NTRK2: variants seen among roughly 807,000 people sequenced by gnomAD.
NTRK2 encodes BDNF/NT-3 growth factors receptor.
NTRK2 carries 13 observed loss-of-function variants against 94.5 expected under a neutral mutation model. That is an observed-to-expected ratio of 0.14 (90% CI 0.09 to 0.22). NTRK2 has a LOEUF of 0.22. Among genes scored for constraint, NTRK2 ranks in the 10% least tolerant of loss-of-function variants. The probability of loss-of-function intolerance (pLI) is 1.00; values close to 1 mark genes in which losing one functional copy is unlikely to be tolerated. For synonymous variants in NTRK2, 372 were observed against 407.4 expected (o/e 0.91, Z 1.05); for missense variants, 639 against 1,071.2 (o/e 0.60, Z 5.63).
At chr9:84,698,057 AT>A (rs2060494689) in intron 2 of NTRK2, among the ~76,000 whole-genome samples, 1 of 152,148 alleles carries the variant, frequency 6.6e-6, no homozygotes, top group African/African-American at 2.4e-5. Context: ...ATAGTTGAAT[AT>A]TTTTAAGCTA....
At position 84,933,223 on chromosome 9, in the gene NTRK2, A is replaced by T. The variant is rs538262073; in HGVS notation, c.1634-939A>T. 3.3e-5 allele frequency among the ~76,000 whole-genome samples: 5 copies of T among 152,294 alleles called. No individual in the cohort carries two copies. The South Asian group carries it at 1.0e-3, about 32-fold the overall frequency. On this transcript the variant is annotated intron_variant, in intron 14 of 18. Transcript: ENST00000277120. ...CAAGACCCAGCGGAACTCCCGTGCT[A>T]AGGGACTCAACATTTAACGTGCTGA...
At chr9:84,884,620 CA>C (rs1262550572) in intron 14 of NTRK2, among the ~76,000 whole-genome samples, 1 of 152,204 alleles carries the variant, frequency 6.6e-6, no homozygotes, top group Non-Finnish European at 1.5e-5. Context: ...CATAATATAT[CA>C]CGACGTTTGT....
chr9:84,743,355 A>G (rs1390540327), intron 10 of NTRK2, among the ~76,000 whole-genome samples: 1 of 152,086 alleles, frequency 6.6e-6, no homozygotes, highest in Admixed American at 6.6e-5. Context: ...ATATTGATTG[A>G]TATTTTATTT....
chr9:85,006,826 A>G (rs1831020228), intron 17 of NTRK2, among the ~76,000 whole-genome samples: 1 of 152,144 alleles, frequency 6.6e-6, no homozygotes, highest in Non-Finnish European at 1.5e-5. Flanking sequence ...TCCTTCTCTA[A>G]AGCAGATCAG....
chr9:84,852,484 C>G (rs1270474954), intron 12 of NTRK2, among the ~76,000 whole-genome samples: 2 of 152,178 alleles, frequency 1.3e-5, no homozygotes, highest in Admixed American at 6.5e-5. Context: ...ATGACTTTCT[C>G]ACGTCTGTCA....
At chr9:84,879,247 G>A (rs2076184076) in intron 14 of NTRK2, among the ~76,000 whole-genome samples, 1 of 152,004 alleles carries the variant, frequency 6.6e-6, no homozygotes, top group African/African-American at 2.4e-5. Flanking sequence ...GGAGGATCAG[G>A]GGACTTTCTC....
chr9:84,692,468 C>CTTTTTTTTTT (rs71369138), intron 2 of NTRK2, among the ~76,000 whole-genome samples: 7 of 87,688 alleles, frequency 8.0e-5, no homozygotes, highest in Admixed American at 1.4e-4. Context: ...TTCTTTTTTT[C>CTTTTTTTTTT]TTTTTTTTTT....
intron 12 of NTRK2, among the ~76,000 whole-genome samples, chr9:84,807,753 G>C (rs1048922518): frequency 1.4e-4 from 21 of 152,266 alleles, no homozygotes; most frequent in African/African-American, 4.6e-4. Context: ...TTTATAATAT[G>C]AGAGGGCAAA....
chr9:84,794,410 A>C (rs1394994187), intron 12 of NTRK2, among the ~76,000 whole-genome samples: 1 of 152,202 alleles, frequency 6.6e-6, no homozygotes, highest in Non-Finnish European at 1.5e-5. Context: ...ATTAAAAGGC[A>C]GTTCAGATGA....
intron 6 of NTRK2, among the ~76,000 whole-genome samples, chr9:84,711,423 G>A (rs1219934775): frequency 2.5e-4 from 38 of 152,224 alleles, no homozygotes; most frequent in Admixed American, 2.5e-3. Flanking sequence ...CAGAGCTCAT[G>A]TGAGTGCTAG....
At chr9:84,842,154 TGCTCAGGAAAAG>T (rs1012530406) in intron 12 of NTRK2, among the ~76,000 whole-genome samples, 2 of 152,190 alleles carry the variant, frequency 1.3e-5, no homozygotes, top group African/African-American at 4.8e-5. Context: ...ACATTTCTTC[TGCTCAGGAAAAG>T]GCTGACTGAG....
At chr9:84,851,373 T>TTGGG (rs2074759812) in intron 12 of NTRK2, among the ~76,000 whole-genome samples, 1 of 152,204 alleles carries the variant, frequency 6.6e-6, no homozygotes, top group Admixed American at 6.5e-5. Context: ...CATAGTTAAT[T>TTGGG]CGTTTGACCA....
intron 17 of NTRK2, among the ~76,000 whole-genome samples, chr9:84,970,395 T>A (rs577663214): frequency 6.6e-6 from 1 of 151,532 alleles, no homozygotes; most frequent in Non-Finnish European, 1.5e-5. Flanking sequence ...TAAATAAAAA[T>A]AATAAAAAAT....
rs111799876 is a variant in NTRK2, at chr9:84,825,441, T to C, written c.1397-35599T>C. On this transcript the variant is annotated intron_variant, in intron 12 of 18. Coordinates refer to ENST00000277120, the MANE Select transcript of NTRK2 (RefSeq NM_006180.6). ...ACCCACCACCTCTGGTCCACTTCCT[T>C]AAGCTGCCTACTCCACTTGGTTTGA... Among the ~76,000 whole-genome samples, 266 of 152,220 alleles carry C rather than the reference T, an allele frequency of 1.7e-3. 2 individuals are homozygous for C. The highest frequency in any genetic ancestry group is 6.1e-3 in the African/African-American group (255 of 41,540).
chr9:84,827,636 C>A (rs1411198951), intron 12 of NTRK2, among the ~76,000 whole-genome samples: 1 of 152,190 alleles, frequency 6.6e-6, no homozygotes, highest in Non-Finnish European at 1.5e-5. Context: ...CAATCTGTAA[C>A]CCTTGGGGTG....
chr9:84,695,679 C>G (rs553339995), intron 2 of NTRK2, among the ~76,000 whole-genome samples: 1 of 152,250 alleles, frequency 6.6e-6, no homozygotes, highest in East Asian at 1.9e-4. Context: ...TTTCCGATCA[C>G]TCTTCAAAGC....
chr9:84,752,606 C>CT lies in NTRK2; in HGVS notation c.1396+530dup, dbSNP rs555645322. Reference sequence around the variant, plus strand: ...ATATAGAAGCTTCGTGAATACATAGCTTTTTTTTTATTTAAGTGGAAAAAT... The same window carrying CT: ...ATATAGAAGCTTCGTGAATACATAGCTTTTTTTTTTATTTAAGTGGAAAAAT... On this transcript the variant is annotated intron_variant, in intron 12 of 18. Transcript: ENST00000277120. 1.1e-3 allele frequency among the ~76,000 whole-genome samples: 160 copies of CT among 151,528 alleles called. 1 individual carries two copies. The highest frequency in any genetic ancestry group is 3.5e-3 in the African/African-American group (143 of 41,276).
intron 16 of NTRK2, among the ~76,000 whole-genome samples, chr9:84,950,811 C>T (rs1349037711): frequency 1.3e-5 from 2 of 152,270 alleles, no homozygotes; most frequent in Non-Finnish European, 2.9e-5. Context: ...ATGTTGTCCT[C>T]ACAATCTTTC....
chr9:85,000,809 G>A, intron 17 of NTRK2, among the ~76,000 whole-genome samples: 1 of 152,302 alleles, frequency 6.6e-6, no homozygotes, highest in Non-Finnish European at 1.5e-5. Flanking sequence ...TATGGTAAGA[G>A]AATGTTTAGC....
Sources: allele counts gnomAD v4.1 joint callset (sites outside exome capture counted in the v4.1 genomes callset), GRCh38; gene constraint gnomAD v4.1.1; transcripts MANE v1.5; gene names NCBI Gene and HGNC (gene_info 2026-07-23, HGNC 2026-07-21).